Variants in CDYL2 observed in about 807,000 individuals in gnomAD.
The protein encoded by CDYL2 is chromodomain Y like 2.
Under a neutral mutation model 49.4 loss-of-function variants are expected in CDYL2, and 23 were observed. The observed-to-expected ratio is 0.47, with a 90% CI of 0.34 to 0.66. The LOEUF (loss-of-function observed/expected upper bound fraction) is 0.66, where lower values mean the gene tolerates loss of function less well. Ranked by LOEUF, CDYL2 falls within the 30% of genes least tolerant of loss-of-function variation. The pLI, the probability that CDYL2 is intolerant of heterozygous loss-of-function variation, is 0.01. For synonymous variants in CDYL2, 360 were observed against 268.8 expected, an observed-to-expected ratio of 1.34 and a Z score of -3.32; for missense variants, 678 against 656.4, an observed-to-expected ratio of 1.03 and a Z score of -0.36.
chr16:80,609,772 G>A (rs945486436), intron 5 of CDYL2, among the ~76,000 whole-genome samples: 8 of 152,274 alleles, frequency 5.3e-5, no homozygotes, highest in Admixed American at 5.2e-4. Context: ...GAGAACTTAG[G>A]GGTATTATCC....
chr16:80,614,490 A>C (rs1906738846), intron 4 of CDYL2, among the ~76,000 whole-genome samples: 2 of 152,378 alleles, frequency 1.3e-5, no homozygotes, highest in Middle Eastern at 3.4e-3. Context: ...GCTGATGGTG[A>C]CATCTATTTT....
chr16:80,727,624 T>C (rs990720235), intron 1 of CDYL2, among the ~76,000 whole-genome samples: 1 of 152,242 alleles, frequency 6.6e-6, no homozygotes, highest in Admixed American at 6.5e-5. Flanking sequence ...CCTGCCTCTG[T>C]AGGCTCCACC....
intron 1 of CDYL2, among the ~76,000 whole-genome samples, chr16:80,772,938 T>C (rs1293557957): frequency 1.3e-5 from 2 of 152,112 alleles, no homozygotes; most frequent in Admixed American, 6.5e-5. Context: ...CACAGTGCAA[T>C]GGTAGTTTTA....
intron 1 of CDYL2, among the ~76,000 whole-genome samples, chr16:80,795,308 T>C (rs940190287): frequency 1.3e-5 from 2 of 152,126 alleles, no homozygotes; most frequent in East Asian, 3.9e-4. Context: ...TGGTGATTGA[T>C]CAACATGAAA....
chr16:80,748,641 G>T (rs911003112), intron 1 of CDYL2, among the ~76,000 whole-genome samples: 1 of 148,586 alleles, frequency 6.7e-6, no homozygotes, highest in African/African-American at 2.5e-5. Flanking sequence ...GAATTCTTGT[G>T]AAGAATAAAC....
chr16:80,769,658 T>C (rs1906841953), intron 1 of CDYL2, among the ~76,000 whole-genome samples: 1 of 152,172 alleles, frequency 6.6e-6, no homozygotes, highest in Non-Finnish European at 1.5e-5. Flanking sequence ...GGCCGAAAGA[T>C]GTGAACAGGA....
At chr16:80,636,279 G>C (rs75662270) in intron 2 of CDYL2, among the ~76,000 whole-genome samples, 4,797 of 152,212 alleles carry the variant, frequency 0.032, 271 homozygotes, top group African/African-American at 0.11. Context: ...GCAACCTACA[G>C]AATGGGAGAA....
Position 80,670,886 on chromosome 16 carries a change from C to T in CDYL2, c.616+13652G>A, listed in dbSNP as rs143667626. The stretch of plus-strand genomic sequence containing the variant: ...ATACACAGCATAGTCAGGTTGCGCA[C>T]GAGGAAGATAAAAGGGGCTCTATAC... On this transcript the variant is annotated intron_variant, in intron 2 of 6. Coordinates refer to ENST00000570137, the MANE Select transcript of CDYL2 (RefSeq NM_152342.4). 9.2e-4 allele frequency: 420 copies of T among 455,812 alleles called. 1 individual carries two copies. Among genetic ancestry groups the T allele is most frequent in the African/African-American group, 7.4e-3 (373 of 50,132 alleles). The allele number at this position is 455,812 out of a possible 1,614,324, so 28.2% of individuals were successfully genotyped here.
At chr16:80,661,100 G>T (rs1204490700) in intron 2 of CDYL2, among the ~76,000 whole-genome samples, 4 of 152,126 alleles carry the variant, frequency 2.6e-5, no homozygotes, top group Admixed American at 2.6e-4. Context: ...CAGGGCACAG[G>T]AACCATGTCC....
At chr16:80,627,891 T>C (rs1249416301) in intron 3 of CDYL2, 1 of 152,268 alleles carries the variant, frequency 6.6e-6, no homozygotes, top group Non-Finnish European at 1.5e-5. Flanking sequence ...ATTAGTTGTC[T>C]GCTGGAGAGA....
chr16:80,646,300 ATAAAC>A (rs1466551629), intron 2 of CDYL2, among the ~76,000 whole-genome samples: 1 of 152,138 alleles, frequency 6.6e-6, no homozygotes. Flanking sequence ...TTAACAAACA[ATAAAC>A]TAAATCATAA....
intron 1 of CDYL2, among the ~76,000 whole-genome samples, chr16:80,737,561 T>C (rs972875594): frequency 6.6e-6 from 1 of 152,158 alleles, no homozygotes; most frequent in Non-Finnish European, 1.5e-5. Context: ...GCCTGGACTG[T>C]TGTTGCTGCT....
At position 80,684,783 on chromosome 16, in the gene CDYL2, G is replaced by T; in HGVS notation, c.371C>A (p.Pro124His). The T allele has an allele frequency of 6.2e-7, 1 of 1,614,154 alleles. No individual in the cohort carries two copies. The highest frequency in any genetic ancestry group is 1.1e-5 in the South Asian group (1 of 91,080). ...GGTGGCCCTGTCACCTCCTGAAGAG[G>T]GCTTGCCTGAATACCCTTTTTTTGG... ...AKPKKGYSGK[P>H]SSGGDRATKT... The change falls in exon 2 of 7, where the codon CCC becomes CAC. Residue 124 changes from proline to histidine, a missense_variant. By Grantham distance (77) the Pro-to-His change is moderately conservative. This residue lies in a region of CDYL2 where 478 missense variants were observed against 427.0 expected (regional missense o/e 1.12). Coordinates refer to ENST00000570137, the MANE Select transcript of CDYL2 (RefSeq NM_152342.4).
chr16:80,641,065 C>G (rs1229670153), intron 2 of CDYL2, among the ~76,000 whole-genome samples: 2 of 151,922 alleles, frequency 1.3e-5, no homozygotes, highest in African/African-American at 2.4e-5. Context: ...GAGAACTTCC[C>G]AAGCCTAGAG....
chr16:80,796,039 G>A (rs552538843), intron 1 of CDYL2, among the ~76,000 whole-genome samples: 1 of 152,324 alleles, frequency 6.6e-6, no homozygotes, highest in South Asian at 2.1e-4. Flanking sequence ...AACCAGAGAA[G>A]CAGAATCACT....
intron 2 of CDYL2, among the ~76,000 whole-genome samples, chr16:80,654,673 C>T (rs1016277757): frequency 5.9e-5 from 9 of 152,148 alleles, no homozygotes; most frequent in Admixed American, 3.9e-4. Context: ...GACCAGAAAA[C>T]GCTCCACCAA....
rs906602325 is a variant in CDYL2, at chr16:80,600,072, A to T, written c.*4316T>A. On this transcript the variant is annotated 3_prime_UTR_variant, in exon 7 of 7. Coordinates refer to ENST00000570137, the MANE Select transcript of CDYL2 (RefSeq NM_152342.4). Reference sequence around the variant, plus strand: ...ACTCCATCAACTGCCACACAGTGAGAATTTACGGGGAGATCTTAAACTACT... The same window carrying T: ...ACTCCATCAACTGCCACACAGTGAGTATTTACGGGGAGATCTTAAACTACT... The T allele has an allele frequency of 6.6e-6, 1 of 152,216 alleles. No individual in the cohort carries two copies. The allele number at this position is 152,216 out of a possible 1,614,324, so 9.4% of individuals were successfully genotyped here.
intron 1 of CDYL2, among the ~76,000 whole-genome samples, chr16:80,792,213 CA>C (rs1907632003): frequency 6.6e-6 from 1 of 152,064 alleles, no homozygotes; most frequent in African/African-American, 2.4e-5. Flanking sequence ...AAAATCCAGG[CA>C]AATGTCCAAG....
intron 2 of CDYL2, among the ~76,000 whole-genome samples, chr16:80,643,708 G>C (rs1468283554): frequency 1.3e-5 from 2 of 152,226 alleles, no homozygotes; most frequent in African/African-American, 4.8e-5. Flanking sequence ...TGAAGCCATG[G>C]CCCAAGCTGT....
Sources: allele counts gnomAD v4.1 joint callset (sites outside exome capture counted in the v4.1 genomes callset), GRCh38; gene constraint gnomAD v4.1.1; regional missense constraint gnomAD v4.1.1; transcripts MANE v1.5; gene names NCBI Gene and HGNC (gene_info 2026-07-23, HGNC 2026-07-21).